The following LCN8 variants were observed in gnomAD, a reference collection of about 807,000 sequenced individuals.
LCN8 encodes epididymal-specific lipocalin-8.
Under a neutral mutation model 22.8 loss-of-function variants are expected in LCN8, and 16 were observed. That is an observed-to-expected ratio of 0.70 (90% confidence interval 0.47 to 1.06). The LOEUF (loss-of-function observed/expected upper bound fraction) is 1.06. Ranked by LOEUF, LCN8 falls within the 50% of genes least tolerant of loss-of-function variation. The pLI is 0.00. For missense variants in LCN8, 189 were observed against 203.3 expected, an observed-to-expected ratio of 0.93 and a Z score of 0.43; for synonymous variants, 92 against 83.4, an observed-to-expected ratio of 1.10 and a Z score of -0.56.
intron 1 of LCN8, 117 bp from the exon 2 acceptor site, chr9:136,757,285 G>T: frequency 7.4e-6 from 11 of 1,489,428 alleles, no homozygotes; most frequent in Non-Finnish European, 8.9e-6. Flanking sequence ...AGATGGCTGT[G>T]AGGCTCGGTG....
intron 2 of LCN8, 110 bp from the exon 3 acceptor site, chr9:136,756,702 G>A: frequency 7.0e-7 from 1 of 1,428,948 alleles, no homozygotes; most frequent in Non-Finnish European, 9.3e-7. Flanking sequence ...CAGCACTGTG[G>A]AGTATCCCAG....
chr9:136,756,663 T>G, intron 2 of LCN8, 71 bp from the exon 3 acceptor site: 1 of 1,583,250 alleles, frequency 6.3e-7, no homozygotes, highest in Admixed American at 1.7e-5. Flanking sequence ...CTTCCCGGAG[T>G]GGGGCTGTGT....
chr9:136,757,752 A>G, intron 1 of LCN8, 155 bp downstream of exon 1: 1 of 985,428 alleles, frequency 1.0e-6, no homozygotes, highest in South Asian at 4.7e-5. Context: ...AGCAGCCGGC[A>G]CAGACTCAGC....
intron 1 of LCN8, chr9:136,757,410 T>C (rs1371299993): frequency 2.0e-5 from 28 of 1,413,120 alleles, no homozygotes; most frequent in Non-Finnish European, 2.3e-5. Flanking sequence ...CACTGGGCCA[T>C]CTAGAGCTGC....
At chr9:136,754,943 C>T (rs1847147478) in intron 6 of LCN8, 192 bp downstream of exon 6, 3 of 1,392,522 alleles carry the variant, frequency 2.2e-6, no homozygotes, top group South Asian at 3.6e-5. Context: ...GGTTCCAGCT[C>T]TTTCCAAACC....
At chr9:136,755,586 G>C in intron 3 of LCN8, 70 bp from the exon 4 acceptor site, 1 of 1,550,422 alleles carries the variant, frequency 6.4e-7, no homozygotes, top group Non-Finnish European at 8.7e-7. Context: ...AGGGTCTGCA[G>C]GGTCTAACTC....
chr9:136,755,363 G>GT, intron 4 of LCN8, 30 bp from the exon 5 acceptor site: 1 of 1,610,310 alleles, frequency 6.2e-7, no homozygotes, highest in South Asian at 1.1e-5. Context: ...TGGGCGGGCA[G>GT]TCCCTGGGAG....
chr9:136,757,165 C>T lies in LCN8; in HGVS notation c.28G>A (p.Gly10Arg), dbSNP rs1406024154. 1 of 1,612,084 alleles carries T rather than the reference C, an allele frequency of 6.2e-7. No individual in the cohort carries two copies. Among genetic ancestry groups the T allele is most frequent in the Admixed American group, 1.7e-5 (1 of 59,798 alleles). The change falls in exon 2 of 7, where the codon GGA (glycine) becomes AGA (arginine). Residue 10 changes from glycine to arginine, a missense_variant. Coordinates refer to ENST00000371688, the MANE Select transcript of LCN8 (RefSeq NM_178469.4). Reference protein sequence around the residue: MEELDRQKIGGFWREVGVAS... With the variant: MEELDRQKIRGFWREVGVAS... The stretch of plus-strand genomic sequence containing the variant: ...ACACCGACTTCCCTCCAGAATCCTC[C>T]AATCTAGAGAGATACGGAGCCTGGC...
At chr9:136,757,505 C>T (rs1346029056) in intron 1 of LCN8, 16 of 1,348,428 alleles carry the variant, frequency 1.2e-5, no homozygotes, top group South Asian at 3.3e-5. Flanking sequence ...GGAGCAGAGG[C>T]CTGGAAAAGA....
At chr9:136,756,664 G>C in intron 2 of LCN8, 72 bp from the exon 3 acceptor site, 1 of 1,582,924 alleles carries the variant, frequency 6.3e-7, no homozygotes, top group Non-Finnish European at 8.6e-7. Flanking sequence ...TTCCCGGAGT[G>C]GGGCTGTGTC....
rs1461716764 is a variant in LCN8, at chr9:136,757,207, G to C, written c.25-39C>G. 1.9e-6 allele frequency: 3 copies of C among 1,599,262 alleles called. No homozygotes were observed. In the South Asian group the frequency reaches 3.4e-5, roughly 18 times the overall value. On this transcript the variant is annotated intron_variant, in intron 1 of 6. Transcript: ENST00000371688. ...GAGCCTGGCCAAGAGCTGAGCAGTG[G>C]GTCTGAGACCCCCAGGGGCATTCCA...
In LCN8 at chr9:136,756,601, C is replaced by T; in HGVS notation, c.156-9G>A. On this transcript the variant is annotated splice_polypyrimidine_tract_variant and intron_variant, in intron 2 of 6. Coordinates refer to ENST00000371688, the MANE Select transcript of LCN8 (RefSeq NM_178469.4). ...TCTCACAGCTTCCTGAGCTGAAAGG[C>T]AGCAAAGTGCCCATCGGTAAAATGC... 1.9e-6 allele frequency: 3 copies of T among 1,612,552 alleles called. No individual in the cohort carries two copies. The highest frequency in any genetic ancestry group is 2.2e-5 in the South Asian group (2 of 91,052).
At chr9:136,756,789 C>A (rs1847216496) in intron 2 of LCN8, among the ~76,000 whole-genome samples, 197 bp from the exon 3 acceptor site, 1 of 152,236 alleles carries the variant, frequency 6.6e-6, no homozygotes, top group African/African-American at 2.4e-5. Flanking sequence ...AGCCAGTCAC[C>A]TGTCCCACAC....
Position 136,758,058 on chromosome 9 carries a change from A to G in LCN8, c.-128T>C, listed in dbSNP as rs946155921. The G allele has an allele frequency of 2.1e-5, 32 of 1,514,964 alleles. No individual in the cohort carries two copies. The highest frequency in any genetic ancestry group is 2.5e-5 in the Non-Finnish European group (28 of 1,127,194). 93.8% of individuals were successfully genotyped at this position (1,514,964 alleles called of 1,614,324 possible). A position where few individuals can be genotyped will look rare whatever the true frequency, so the allele number is the denominator to read the frequency against. On this transcript the variant is annotated 5_prime_UTR_variant, in exon 1 of 7. Transcript: ENST00000371688. ...CAGCCTGGGCCGATTCTATACGGAC[A>G]GTGCAGGCTTGTGCGCCCACCCGGG...
At position 136,755,444 on chromosome 9, in the gene LCN8, C is replaced by G. The variant is rs368173889; in HGVS notation, c.299G>C (p.Arg100Pro). 1 of 1,613,104 alleles carries G rather than the reference C, an allele frequency of 6.2e-7. No homozygotes were observed. The highest frequency in any genetic ancestry group is 2.2e-5 in the East Asian group (1 of 44,890). The change falls in exon 4 of 7, where the codon CGG becomes CCG. Residue 100 changes from arginine (R) to proline (P), a missense_variant. Coordinates refer to ENST00000371688, the MANE Select transcript of LCN8 (RefSeq NM_178469.4). ...YAILRVSLMWRGRNFRVLKYF... is the reference protein window; with the variant it reads ...YAILRVSLMWPGRNFRVLKYF... ...CTTGAGGACGCGAAAGTTCCTGCCC[C>G]GCCACATCAGGGACACCCGCAGGAT...
rs371016339 is a variant in LCN8 at position 136,757,181 on chromosome 9, G to A, written c.25-13C>T. The A allele has an allele frequency of 1.3e-5, 21 of 1,609,314 alleles. No individual in the cohort carries two copies. The highest frequency in any genetic ancestry group is 4.4e-5 in the South Asian group (4 of 90,128). ...AGAATCCTCCAATCTAGAGAGATAC[G>A]GAGCCTGGCCAAGAGCTGAGCAGTG... On this transcript the variant is annotated splice_polypyrimidine_tract_variant and intron_variant, in intron 1 of 6. Coordinates refer to ENST00000371688, the MANE Select transcript of LCN8 (RefSeq NM_178469.4).
intron 6 of LCN8, 26 bp from the exon 7 acceptor site, chr9:136,754,535 A>G (rs1410017039): frequency 1.3e-6 from 2 of 1,550,548 alleles, no homozygotes; most frequent in East Asian, 2.4e-5. Context: ...GCAGGGGCTC[A>G]GGCCCGTGTG....
At chr9:136,755,537 G>A (rs201095961) in intron 3 of LCN8, 21 bp from the exon 4 acceptor site, 106 of 1,605,142 alleles carry the variant, frequency 6.6e-5, no homozygotes, top group Non-Finnish European at 7.6e-5. Context: ...CGGCCATGGC[G>A]TTGGGGGAGA....
intron 2 of LCN8, among the ~76,000 whole-genome samples, chr9:136,756,824 C>T (rs772506395): frequency 8.5e-5 from 13 of 152,208 alleles, no homozygotes; most frequent in East Asian, 1.9e-4. Context: ...TCTAAGTTCA[C>T]GGGGCTTCAT....
Sources: allele counts gnomAD v4.1 joint callset (sites outside exome capture counted in the v4.1 genomes callset), GRCh38; gene constraint gnomAD v4.1.1; transcripts MANE v1.5; gene names NCBI Gene and HGNC (gene_info 2026-07-23, HGNC 2026-07-21).